Variants in SCUBE1 observed in about 807,000 individuals in gnomAD.
The protein encoded by SCUBE1 is signal peptide, CUB and EGF-like domain-containing protein 1.
SCUBE1 carries 59 observed loss-of-function variants against 124.4 expected under a neutral mutation model. The ratio of observed to expected loss-of-function variants is 0.47; its 90% CI spans 0.38 to 0.59. The LOEUF is 0.59. Ranked by LOEUF, SCUBE1 falls within the 20% of genes least tolerant of loss-of-function variation. The pLI, the probability that SCUBE1 is intolerant of heterozygous loss-of-function variation, is 0.00. For missense variants in SCUBE1, 1,150 were observed against 1,371.2 expected (o/e 0.84, Z 2.55); for synonymous variants, 545 against 550.9 (o/e 0.99, Z 0.15).
intron 7 of SCUBE1, among the ~76,000 whole-genome samples, chr22:43,236,891 G>A (rs1922785811): frequency 6.6e-6 from 1 of 152,172 alleles, no homozygotes; most frequent in Admixed American, 6.5e-5. Flanking sequence ...ACTGGAACCC[G>A]CATACAATAG....
chr22:43,232,063 C>G (rs1191057377), intron 7 of SCUBE1, 188 bp from the exon 8 acceptor site: 346 of 500,332 alleles, frequency 6.9e-4, no homozygotes, highest in Middle Eastern at 1.7e-3. Flanking sequence ...GGGTCAGGGT[C>G]GGGGCTGGGT....
chr22:43,302,762 A>G (rs1037338924), intron 3 of SCUBE1, among the ~76,000 whole-genome samples: 1 of 152,228 alleles, frequency 6.6e-6, no homozygotes, highest in African/African-American at 2.4e-5. Context: ...TGATGGGGAT[A>G]AGAATGGAGG....
intron 4 of SCUBE1, 51 bp from the exon 5 acceptor site, chr22:43,262,896 G>A: frequency 6.3e-7 from 1 of 1,584,798 alleles, no homozygotes; most frequent in Non-Finnish European, 8.6e-7. Context: ...CAGAGAGGGA[G>A]AGAGAAAATT....
rs1601795990 is a variant in SCUBE1, at chr22:43,210,676, T to C, written c.2383+246A>G. On this transcript the variant is annotated intron_variant, in intron 18 of 21. Transcript: ENST00000360835. The surrounding 1 kb of genome is among the most constrained non-coding windows in gnomAD (Gnocchi z 4.5). ...GGGCAGAGGCTTGGGCTGTGTTGGG[T>C]GAGCAGTGGGAACTGATGAACGATG... Among the ~76,000 whole-genome samples the C allele has an allele frequency of 6.6e-6, 1 of 152,014 alleles. No individual in the cohort carries two copies. The highest frequency in any genetic ancestry group is 2.4e-5 in the African/African-American group (1 of 41,378).
At position 43,258,189 on chromosome 22, in the gene SCUBE1, G is replaced by A. The variant is rs1431768965; in HGVS notation, c.727+30C>T. 1 of 1,476,368 alleles carries A rather than the reference G, an allele frequency of 6.8e-7. No individual in the cohort carries two copies. Among genetic ancestry groups the A allele is most frequent in the East Asian group, 2.3e-5 (1 of 44,276 alleles). The allele number at this position is 1,476,368 out of a possible 1,614,324, so 91.5% of individuals were successfully genotyped here. A position where few individuals can be genotyped will look rare whatever the true frequency, so the allele number is the denominator to read the frequency against. On this transcript the variant is annotated intron_variant, in intron 6 of 21. Coordinates refer to ENST00000360835, the MANE Select transcript of SCUBE1 (RefSeq NM_173050.5). This position sits in a 1 kb window ranked among gnomAD's most constrained non-coding sequence, Gnocchi z 5.0. ...GGGGGGTCGGGGGCGGGGGGCGCAA[G>A]GGTGGTGTGTGGCAGAGGTGCCTAC... is the stretch of plus-strand genomic sequence containing the variant.
intron 2 of SCUBE1, among the ~76,000 whole-genome samples, chr22:43,323,887 G>C (rs1452828336): frequency 5.3e-5 from 8 of 152,168 alleles, no homozygotes; most frequent in Non-Finnish European, 8.8e-5. Context: ...TGAAGAATAA[G>C]ATAAAGCTGG....
chr22:43,319,558 C>CAAAAAAAAAAAA (rs35230785), intron 3 of SCUBE1, among the ~76,000 whole-genome samples: 7 of 55,194 alleles, frequency 1.3e-4, no homozygotes, highest in African/African-American at 4.1e-4. Context: ...GACTCCATCT[C>CAAAAAAAAAAAA]AAAAAAAAAA....
At position 43,255,296 on chromosome 22, in the gene SCUBE1, T is replaced by TCACACGACACGCAGGACTGCA. The variant is rs1215557402; in HGVS notation, c.727+2902_727+2922dup. On this transcript the variant is annotated intron_variant, in intron 6 of 21. Coordinates refer to ENST00000360835, the MANE Select transcript of SCUBE1 (RefSeq NM_173050.5). The surrounding 1 kb of genome is among the most constrained non-coding windows in gnomAD (Gnocchi z 4.7). ...ACACCTGGAGTGGAGCCCCCCGCACTCACACGACACGCAGGACTGCACACA... is the reference window on the plus strand; with the variant it reads ...ACACCTGGAGTGGAGCCCCCCGCACTCACACGACACGCAGGACTGCACACACGACACGCAGGACTGCACACA... Among the ~76,000 whole-genome samples the TCACACGACACGCAGGACTGCA allele has an allele frequency of 1.3e-5, 2 of 151,880 alleles. No individual in the cohort carries two copies. Among genetic ancestry groups the TCACACGACACGCAGGACTGCA allele is most frequent in the Non-Finnish European group, 2.9e-5 (2 of 67,950 alleles).
chr22:43,223,293 G>T, intron 10 of SCUBE1, 77 bp from the exon 11 acceptor site: 1 of 1,461,362 alleles, frequency 6.8e-7, no homozygotes, highest in Non-Finnish European at 9.1e-7. Flanking sequence ...TCCTGGGTAT[G>T]GCCTAATGGG....
intron 2 of SCUBE1, among the ~76,000 whole-genome samples, chr22:43,332,756 C>T (rs1293038204): frequency 6.6e-6 from 1 of 152,216 alleles, no homozygotes; most frequent in Non-Finnish European, 1.5e-5. Context: ...TGGAGGCCTT[C>T]CTGGGTCCTC....
chr22:43,336,953 A>ATGTG (rs1195198412), intron 2 of SCUBE1, among the ~76,000 whole-genome samples: 11 of 142,660 alleles, frequency 7.7e-5, no homozygotes, highest in African/African-American at 3.0e-4. Context: ...GTCTGTGTGT[A>ATGTG]TGTCTGTGTG....
intron 12 of SCUBE1, among the ~76,000 whole-genome samples, chr22:43,222,142 C>T (rs1922116338): frequency 6.6e-6 from 1 of 152,208 alleles, no homozygotes; most frequent in Admixed American, 6.5e-5. Flanking sequence ...ATAAGAAAAG[C>T]TGCTGAAGAC....
In SCUBE1 at chr22:43,212,509, C is replaced by T. The variant is rs140515412; in HGVS notation, c.2137G>A (p.Gly713Arg). Residue 713 changes from glycine (G) to arginine (R), a missense_variant, in exon 17 of 22, where the codon GGG becomes AGG. Transcript: ENST00000360835. ...CCACAGGGGAAGCAGCCGGTGCGCCCGGGCTCAGGCTGGTACGTGCCCACG... is the reference window on the plus strand; with the variant it reads ...CCACAGGGGAAGCAGCCGGTGCGCCTGGGCTCAGGCTGGTACGTGCCCACG... Reference protein sequence around the residue: ...CPVGTYQPEPGRTGCFPCGGG... With the variant: ...CPVGTYQPEPRRTGCFPCGGG... 6.5e-5 allele frequency: 101 copies of T among 1,557,620 alleles called. No homozygotes were observed. The Middle Eastern group carries it at 1.0e-3, about 16-fold the overall frequency.
chr22:43,314,597 C>A (rs536024120), intron 3 of SCUBE1, among the ~76,000 whole-genome samples: 1 of 152,232 alleles, frequency 6.6e-6, no homozygotes, highest in East Asian at 1.9e-4. Context: ...AAAACTCCCC[C>A]AAAAGGGTCC....
At position 43,343,187 on chromosome 22, in the gene SCUBE1, G is replaced by C; in HGVS notation, c.75C>G (p.Gly25=). 8.4e-7 allele frequency: 1 copy of C among 1,186,892 alleles called. No individual in the cohort carries two copies. Among genetic ancestry groups the C allele is most frequent in the Non-Finnish European group, 1.0e-6 (1 of 958,476 alleles). The allele number at this position is 1,186,892 out of a possible 1,614,324, so 73.5% of individuals were successfully genotyped here. Residue 25 remains glycine, a synonymous_variant, in exon 1 of 22, where the codon GGC becomes GGG. Coordinates refer to ENST00000360835, the MANE Select transcript of SCUBE1 (RefSeq NM_173050.5). ...TCGGGGGCTTACCTGGGAGCCCGCT[G>C]CCCCCGGCCAGCCGCCCGCGTGTGC... ...ALGTRGRLAG[G]SGLPGSVDVD... is the part of the protein sequence containing the mutation.
intron 3 of SCUBE1, among the ~76,000 whole-genome samples, chr22:43,317,522 A>G (rs1023574783): frequency 7.9e-5 from 12 of 152,168 alleles, no homozygotes; most frequent in African/African-American, 2.9e-4. Flanking sequence ...CTCTACCAAC[A>G]AGGGCCTGAG....
At chr22:43,343,153 C>G in intron 1 of SCUBE1, 21 bp downstream of exon 1, 1 of 1,140,412 alleles carries the variant, frequency 8.8e-7, no homozygotes, top group Non-Finnish European at 1.1e-6. Flanking sequence ...CCGCCGCCCC[C>G]CACCTCGGTC....
chr22:43,208,720 GC>G (rs1288568132), intron 19 of SCUBE1, among the ~76,000 whole-genome samples: 1 of 152,190 alleles, frequency 6.6e-6, no homozygotes, highest in Non-Finnish European at 1.5e-5. Context: ...CACCAGCAAG[GC>G]CCACTGAGCC....
intron 4 of SCUBE1, among the ~76,000 whole-genome samples, chr22:43,286,084 T>C (rs1925129629): frequency 6.6e-6 from 1 of 152,204 alleles, no homozygotes; most frequent in African/African-American, 2.4e-5. Context: ...CGGCTTGTTG[T>C]GGGGCCCTGG....
Sources: gnomAD v4.1 joint callset for allele counts (sites outside exome capture counted in the v4.1 genomes callset) on GRCh38, gnomAD v4.1.1 for gene constraint, Gnocchi (gnomAD v3.1) non-coding constraint, MANE v1.5 for transcripts, NCBI Gene and HGNC (gene_info 2026-07-23, HGNC 2026-07-21) for gene names.